Variants in PYGB observed in about 807,000 individuals in gnomAD.
The protein encoded by PYGB is glycogen phosphorylase, brain form.
In PYGB, 82 loss-of-function variants were observed where a neutral mutation model predicts 94.3. The observed-to-expected ratio is 0.87, with a 90% confidence interval of 0.73 to 1.04. The LOEUF is 1.04. Among genes scored for constraint, PYGB ranks in the 50% least tolerant of loss-of-function variants. PYGB has a pLI of 0.00. For missense variants in PYGB, 1,132 were observed against 1,158.2 expected (o/e 0.98, Z 0.33); for synonymous variants, 488 against 479.1 (o/e 1.02, Z -0.24).
At chr20:25,265,617 T>G (rs1408480090) in intron 2 of PYGB, among the ~76,000 whole-genome samples, 1 of 140,764 alleles carries the variant, frequency 7.1e-6, no homozygotes, top group African/African-American at 2.9e-5. Flanking sequence ...TTTTTTGAAA[T>G]GGAGTCTTGC....
In PYGB at chr20:25,261,996, C is replaced by T. The variant is rs548837581; in HGVS notation, c.345+2658C>T. Among the ~76,000 whole-genome samples the T allele has an allele frequency of 2.1e-4, 32 of 152,228 alleles. No homozygotes were observed. In the East Asian group the frequency reaches 3.3e-3, roughly 16 times the overall value. On this transcript the variant is annotated intron_variant, in intron 2 of 19. Coordinates refer to ENST00000216962, the MANE Select transcript of PYGB (RefSeq NM_002862.4). ...GGGACTATGTGAAGAGACCAATCTA[C>T]GGCTGATTGATGTATCTGAAAGTGA...
chr20:25,293,386 T>C (rs1462789569), intron 17 of PYGB, among the ~76,000 whole-genome samples: 2 of 152,108 alleles, frequency 1.3e-5, no homozygotes, highest in African/African-American at 4.8e-5. Context: ...CAGTGTCATT[T>C]GGTCTGTGAC....
intron 18 of PYGB, among the ~76,000 whole-genome samples, chr20:25,295,280 C>T (rs932801781): frequency 1.3e-4 from 20 of 152,264 alleles, no homozygotes; most frequent in Non-Finnish European, 1.3e-4. Context: ...CCACTGTCTG[C>T]CCAGGAGGCC....
At chr20:25,256,022 C>T (rs1296686362) in intron 1 of PYGB, among the ~76,000 whole-genome samples, 1 of 152,184 alleles carries the variant, frequency 6.6e-6, no homozygotes, top group Non-Finnish European at 1.5e-5. Flanking sequence ...CATGAGCCAT[C>T]ACACCTGGCT....
In PYGB at chr20:25,265,582, T is replaced by C. The variant is rs2088209480; in HGVS notation, c.346-3547T>C. Among the ~76,000 whole-genome samples the C allele has an allele frequency of 2.7e-5, 4 of 149,946 alleles. No homozygotes were observed. In the Admixed American group the frequency reaches 2.7e-4, roughly 10 times the overall value. ...ATTTTAAATCAGGTTGTTTGTTTTC[T>C]TGTTGTTGAATTTTTTTTTTTTTTT... On this transcript the variant is annotated intron_variant, in intron 2 of 19. Coordinates refer to ENST00000216962, the MANE Select transcript of PYGB (RefSeq NM_002862.4).
chr20:25,281,201 T>C, intron 11 of PYGB, 89 bp downstream of exon 11: 1 of 1,505,822 alleles, frequency 6.6e-7, no homozygotes, highest in East Asian at 2.3e-5. Context: ...TGGACCCAGC[T>C]ATATAGCATA....
intron 11 of PYGB, among the ~76,000 whole-genome samples, chr20:25,281,659 C>G (rs938534912): frequency 6.6e-6 from 1 of 152,166 alleles, no homozygotes; most frequent in African/African-American, 2.4e-5. Flanking sequence ...AGCTTCGTGT[C>G]GGGCCCCTCC....
rs142521587 is a variant in PYGB at position 25,279,086 on chromosome 20, C to A, written c.1029C>A (p.Pro343=). 6.2e-7 allele frequency: 1 copy of A among 1,613,830 alleles called. No individual in the cohort carries two copies. Among genetic ancestry groups the A allele is most frequent in the African/African-American group, 1.3e-5 (1 of 75,044 alleles). The change falls in exon 9 of 20, where the codon CCC becomes CCA. Residue 343 remains proline (P), a synonymous_variant. Transcript: ENST00000216962. ...CCATCCAGCTGAACGACACCCACCC[C>A]GCCCTCTCCATCCCTGAGCTCATGC... ...KVAIQLNDTH[P]ALSIPELMRI...
chr20:25,296,644 A>G lies in PYGB; in HGVS notation c.*122A>G. 1 of 1,309,816 alleles carries G rather than the reference A, an allele frequency of 7.6e-7. No homozygotes were observed. The highest frequency in any genetic ancestry group is 1.5e-5 in the South Asian group (1 of 68,760). The allele number at this position is 1,309,816 out of a possible 1,614,324, so 81.1% of individuals were successfully genotyped here. A position where few individuals can be genotyped will look rare whatever the true frequency, so the allele number is the denominator to read the frequency against. On this transcript the variant is annotated 3_prime_UTR_variant, in exon 20 of 20. Transcript: ENST00000216962. The stretch of plus-strand genomic sequence containing the variant: ...CTGCTTTTCTGAGTACCATGTTTCC[A>G]GGAGGGGCCATGGGGGTCAGGGTGG...
In PYGB at chr20:25,294,241, A is replaced by C. The variant is rs1226570815; in HGVS notation, c.2261A>C (p.Lys754Thr). Reference sequence around the variant, plus strand: ...ATCAGCAGTGGCTTTTTTTCTCCCAAGGAGCCAGACTGCTTCAAGGACATC... The same window carrying C: ...ATCAGCAGTGGCTTTTTTTCTCCCACGGAGCCAGACTGCTTCAAGGACATC... ...DQISSGFFSP[K>T]EPDCFKDIVN... Residue 754 changes from lysine (K) to threonine (T), a missense_variant, in exon 18 of 20, where the codon AAG becomes ACG. Lys to Thr is a moderately conservative substitution (Grantham distance 78). Transcript: ENST00000216962. 1 of 1,558,828 alleles carries C rather than the reference A, an allele frequency of 6.4e-7. No individual in the cohort carries two copies. Among genetic ancestry groups the C allele is most frequent in the Non-Finnish European group, 8.7e-7 (1 of 1,145,076 alleles).
chr20:25,288,294 C>G, intron 14 of PYGB, 131 bp from the exon 15 acceptor site: 1 of 1,049,842 alleles, frequency 9.5e-7, no homozygotes, highest in Non-Finnish European at 1.5e-6. Context: ...TCACCCGTGT[C>G]TCTGGGGCTT....
At chr20:25,270,192 T>TTG (rs1320958641) in intron 3 of PYGB, among the ~76,000 whole-genome samples, 10 of 132,006 alleles carry the variant, frequency 7.6e-5, no homozygotes, top group South Asian at 2.3e-4. Flanking sequence ...CTGAAGTTTT[T>TTG]TTTGTTTTGT....
intron 2 of PYGB, 90 bp from the exon 3 acceptor site, chr20:25,269,039 T>C: frequency 8.8e-7 from 1 of 1,142,608 alleles, no homozygotes; most frequent in Non-Finnish European, 1.3e-6. Flanking sequence ...ACTTTTAGCA[T>C]AAGCTCACAA....
At chr20:25,248,622 G>A (rs2092878189) in intron 1 of PYGB, among the ~76,000 whole-genome samples, 1 of 152,002 alleles carries the variant, frequency 6.6e-6, no homozygotes, top group African/African-American at 2.4e-5. Context: ...CAGGGCCGCG[G>A]CCACGGGTCC....
At chr20:25,268,212 G>C (rs1290891611) in intron 2 of PYGB, among the ~76,000 whole-genome samples, 8 of 119,622 alleles carry the variant, frequency 6.7e-5, no homozygotes, top group African/African-American at 2.7e-4. Flanking sequence ...CTTTGAAATT[G>C]CTTTACGAAT....
chr20:25,293,718 G>A (rs1346644487), intron 17 of PYGB, among the ~76,000 whole-genome samples: 1 of 152,194 alleles, frequency 6.6e-6, no homozygotes, highest in Non-Finnish European at 1.5e-5. Context: ...TGTCCTGTCT[G>A]GTCTTGCTTG....
Position 25,248,143 on chromosome 20 carries a change from C to T in PYGB, c.-36C>T, listed in dbSNP as rs1600716460. On this transcript the variant is annotated 5_prime_UTR_variant, in exon 1 of 20. Transcript: ENST00000216962. ...GGCGTTCGCGTGTGCCGCCGCTTTC[C>T]TCCTCCATCTCTTTTCCTCCGCCTC... 7 of 1,549,664 alleles carry T rather than the reference C, an allele frequency of 4.5e-6. No individual in the cohort carries two copies. Among genetic ancestry groups the T allele is most frequent in the Non-Finnish European group, 6.1e-6 (7 of 1,149,714 alleles).
chr20:25,268,161 G>GCCC (rs11471520), intron 2 of PYGB, among the ~76,000 whole-genome samples: 900 of 61,928 alleles, frequency 0.015, 17 homozygotes, highest in African/African-American at 0.027. Context: ...CCTAGCACCC[G>GCCC]CCCCCCCCCC....
chr20:25,295,630 C>T lies in PYGB; in HGVS notation c.2339C>T (p.Ala780Val). 1 of 1,614,070 alleles carries T rather than the reference C, an allele frequency of 6.2e-7. No homozygotes were observed. The highest frequency in any genetic ancestry group is 8.5e-7 in the Non-Finnish European group (1 of 1,180,002). ...DRFKVFADYE[A>V]YMQCQAQVDQ... ...TTCAAGGTGTTTGCAGACTATGAAG[C>T]CTACATGCAGTGCCAGGCACAGGTG... Residue 780 changes from alanine (A) to valine (V), a missense_variant, in exon 19 of 20, where the codon GCC becomes GTC. Transcript: ENST00000216962.
Sources: gnomAD v4.1 joint callset for allele counts (sites outside exome capture counted in the v4.1 genomes callset) on GRCh38, gnomAD v4.1.1 for gene constraint, MANE v1.5 for transcripts, NCBI Gene and HGNC (gene_info 2026-07-23, HGNC 2026-07-21) for gene names.